The following STXBP5 variants were observed in gnomAD, a reference collection of about 807,000 sequenced individuals.
STXBP5 encodes syntaxin-binding protein 5.
Under a neutral mutation model 152.4 loss-of-function variants are expected in STXBP5, and 50 were observed. The observed-to-expected ratio is 0.33, with a 90% CI of 0.26 to 0.42. STXBP5 has a LOEUF of 0.42. STXBP5 is among the 10% of genes least tolerant of loss of function. The probability of loss-of-function intolerance (pLI) is 1.00; values close to 1 mark genes in which losing one functional copy is unlikely to be tolerated. For missense variants in STXBP5, 1,167 were observed against 1,388.6 expected (o/e 0.84, Z 2.54); for synonymous variants, 492 against 494.7 (o/e 0.99, Z 0.07).
In STXBP5 at chr6:147,363,660, C is replaced by T; in HGVS notation, c.2871C>T (p.Ile957=). The change falls in exon 24 of 28, where the codon ATC becomes ATT. Residue 957 remains isoleucine, a synonymous_variant. Transcript: ENST00000321680. Reference sequence around the variant, plus strand: ...ATATTGTAGCATTGAGTAACAGTATCTGCCTTGCCTGTTTCTGTGCCAATG... The same window carrying T: ...ATATTGTAGCATTGAGTAACAGTATTTGCCTTGCCTGTTTCTGTGCCAATG... ...RGDIVALSNS[I]CLACFCANGH... 1 of 1,613,590 alleles carries T rather than the reference C, an allele frequency of 6.2e-7. No individual in the cohort carries two copies. The highest frequency in any genetic ancestry group is 1.1e-5 in the South Asian group (1 of 90,938).
intron 25 of STXBP5, among the ~76,000 whole-genome samples, chr6:147,365,711 T>G (rs1785259332): frequency 6.6e-6 from 1 of 152,226 alleles, no homozygotes; most frequent in Non-Finnish European, 1.5e-5. Context: ...CCTTTGTATT[T>G]TTAGTACCCA....
At chr6:147,347,643 G>T (rs190234456) in intron 21 of STXBP5, among the ~76,000 whole-genome samples, 3 of 152,150 alleles carry the variant, frequency 2.0e-5, no homozygotes, top group Non-Finnish European at 4.4e-5. Context: ...CTGATCTTTC[G>T]TAGCTGAGAG....
intron 25 of STXBP5, among the ~76,000 whole-genome samples, chr6:147,368,413 A>G (rs1409067034): frequency 6.6e-6 from 1 of 152,212 alleles, no homozygotes; most frequent in Non-Finnish European, 1.5e-5. Flanking sequence ...AAAAAAGAGC[A>G]GTTGACAAAA....
At chr6:147,254,179 A>G (rs1464084859) in intron 4 of STXBP5, among the ~76,000 whole-genome samples, 4 of 152,186 alleles carry the variant, frequency 2.6e-5, no homozygotes, top group Non-Finnish European at 4.4e-5. Flanking sequence ...CCTGACAAAA[A>G]CAAGCAATGG....
chr6:147,261,302 C>A (rs1451333152), intron 5 of STXBP5, among the ~76,000 whole-genome samples: 6 of 151,776 alleles, frequency 4.0e-5, no homozygotes, highest in Admixed American at 2.6e-4. Context: ...ATATTAGTAA[C>A]AAAAACTAGG....
At chr6:147,272,425 A>G (rs938467785) in intron 7 of STXBP5, among the ~76,000 whole-genome samples, 2 of 152,230 alleles carry the variant, frequency 1.3e-5, no homozygotes, top group Non-Finnish European at 2.9e-5. Context: ...TATAAATTCT[A>G]ACTTCTAAAT....
intron 9 of STXBP5, among the ~76,000 whole-genome samples, chr6:147,298,417 A>G (rs1427661264): frequency 6.6e-6 from 1 of 152,104 alleles, no homozygotes; most frequent in Non-Finnish European, 1.5e-5. Context: ...TCAGCAATAG[A>G]CACATCATCC....
chr6:147,271,193 T>G, intron 7 of STXBP5, among the ~76,000 whole-genome samples: 1 of 152,006 alleles, frequency 6.6e-6, no homozygotes, highest in Non-Finnish European at 1.5e-5. Flanking sequence ...AAGAGCAAGA[T>G]CTAACCACAT....
Position 147,206,069 on chromosome 6 carries a change from G to T in STXBP5, c.248+1G>T. Reference sequence around the variant, plus strand: ...GAACTCAGACTGGTGCTTTAAGGCTGTATCCTTTCTTTAATTTTATTTTTT... The same window carrying T: ...GAACTCAGACTGGTGCTTTAAGGCTTTATCCTTTCTTTAATTTTATTTTTT... On this transcript the variant is annotated splice_donor_variant, in intron 2 of 27. Transcript: ENST00000321680. LOFTEE classifies it high-confidence loss of function. 6.2e-7 allele frequency: 1 copy of T among 1,611,388 alleles called. No homozygotes were observed. Among genetic ancestry groups the T allele is most frequent in the Non-Finnish European group, 8.5e-7 (1 of 1,177,658 alleles).
intron 11 of STXBP5, 123 bp downstream of exon 11, chr6:147,311,650 C>G (rs1419004413): frequency 3.1e-6 from 2 of 654,830 alleles, no homozygotes. Flanking sequence ...ACCTTGACCT[C>G]TTTTGAGAGC....
At chr6:147,216,835 A>T (rs970504587) in intron 2 of STXBP5, among the ~76,000 whole-genome samples, 1 of 152,218 alleles carries the variant, frequency 6.6e-6, no homozygotes, top group African/African-American at 2.4e-5. Flanking sequence ...ATTAATCTTC[A>T]TTTGAAAAAT....
chr6:147,248,393 A>G (rs1778919944), intron 4 of STXBP5, among the ~76,000 whole-genome samples: 1 of 152,204 alleles, frequency 6.6e-6, no homozygotes. Context: ...TGTATATTAC[A>G]ATATGAGTGA....
At chr6:147,330,250 TATCA>T (rs1248413663) in intron 18 of STXBP5, among the ~76,000 whole-genome samples, 1 of 152,182 alleles carries the variant, frequency 6.6e-6, no homozygotes, top group African/African-American at 2.4e-5. Context: ...CTGGTCATTT[TATCA>T]TTCAGTAGAA....
At chr6:147,295,261 G>A (rs1469354563) in intron 9 of STXBP5, among the ~76,000 whole-genome samples, 1 of 152,156 alleles carries the variant, frequency 6.6e-6, no homozygotes, top group Non-Finnish European at 1.5e-5. Flanking sequence ...GTTCAAATAG[G>A]TACTCAGATG....
intron 16 of STXBP5, among the ~76,000 whole-genome samples, chr6:147,323,393 T>A (rs1035031609): frequency 1.3e-5 from 2 of 151,978 alleles, no homozygotes; most frequent in African/African-American, 2.4e-5. Context: ...CCTTTAATTC[T>A]TCTTTTTTTT....
At chr6:147,347,144 A>C (rs376729238) in intron 21 of STXBP5, among the ~76,000 whole-genome samples, 2 of 152,340 alleles carry the variant, frequency 1.3e-5, no homozygotes, top group East Asian at 3.9e-4. Flanking sequence ...AAATGCTTGC[A>C]TTGGAACTGT....
intron 4 of STXBP5, among the ~76,000 whole-genome samples, chr6:147,240,720 A>G (rs1778500857): frequency 6.6e-6 from 1 of 152,196 alleles, no homozygotes; most frequent in Non-Finnish European, 1.5e-5. Context: ...AGAGGAAGGA[A>G]ACCTGTGAGC....
intron 4 of STXBP5, among the ~76,000 whole-genome samples, chr6:147,257,280 ATTTTC>A (rs1261848167): frequency 1.3e-5 from 2 of 151,058 alleles, no homozygotes; most frequent in Non-Finnish European, 3.0e-5. Flanking sequence ...TGTTTCAATC[ATTTTC>A]TTTTCTCTTG....
intron 9 of STXBP5, among the ~76,000 whole-genome samples, chr6:147,306,070 T>G (rs1367396192): frequency 2.6e-5 from 4 of 152,166 alleles, no homozygotes; most frequent in African/African-American, 9.7e-5. Context: ...GCACAGCAAT[T>G]AAATTCCACC....
Sources: allele counts gnomAD v4.1 joint callset (sites outside exome capture counted in the v4.1 genomes callset), GRCh38; gene constraint gnomAD v4.1.1; transcripts MANE v1.5; gene names NCBI Gene and HGNC (gene_info 2026-07-23, HGNC 2026-07-21).